ELAVL4: variants seen among roughly 807,000 people sequenced by gnomAD.
The protein encoded by ELAVL4 is ELAV-like protein 4.
Under a neutral mutation model 35.6 loss-of-function variants are expected in ELAVL4, and 1 was observed. That is an observed-to-expected ratio of 0.03 (90% CI 0.01 to 0.13). The LOEUF (loss-of-function observed/expected upper bound fraction) is 0.13, where lower values mean the gene tolerates loss of function less well. ELAVL4 is among the 10% of genes least tolerant of loss of function. The pLI is 1.00. For missense variants in ELAVL4, 267 were observed against 464.9 expected (o/e 0.57, Z 3.91); for synonymous variants, 156 against 171.0 (o/e 0.91, Z 0.69).
At chr1:50,166,525 T>A (rs971027875) in intron 2 of ELAVL4, among the ~76,000 whole-genome samples, 3 of 152,180 alleles carry the variant, frequency 2.0e-5, no homozygotes, top group African/African-American at 7.2e-5. Context: ...ACAATTACAG[T>A]CCCTGTTTCT....
intron 2 of ELAVL4, among the ~76,000 whole-genome samples, chr1:50,164,849 T>C (rs377709109): frequency 3.7e-4 from 57 of 152,220 alleles, no homozygotes; most frequent in African/African-American, 1.4e-3. Context: ...TAAATATCCA[T>C]GTGAATAGAT....
chr1:50,057,751 T>C (rs1003470700), intron 1 of ELAVL4, among the ~76,000 whole-genome samples: 16 of 152,300 alleles, frequency 1.1e-4, no homozygotes, highest in South Asian at 4.1e-4. Context: ...TCTGTGATGT[T>C]TGCATGATGA....
intron 2 of ELAVL4, among the ~76,000 whole-genome samples, chr1:50,160,691 TATCTCTGTATGGAC>T (rs1382627196): frequency 6.6e-6 from 1 of 152,218 alleles, no homozygotes; most frequent in Non-Finnish European, 1.5e-5. Context: ...CATCCTGACT[TATCTCTGTATGGAC>T]AAGTTATTTA....
chr1:50,134,840 A>G (rs1241332321), intron 1 of ELAVL4, among the ~76,000 whole-genome samples: 7 of 152,094 alleles, frequency 4.6e-5, no homozygotes, highest in Non-Finnish European at 1.0e-4. Flanking sequence ...CAGGGGTCTT[A>G]CCAGAACTGC....
chr1:50,109,024 C>A lies in ELAVL4; in HGVS notation c.-166C>A. The A allele has an allele frequency of 6.7e-6, 4 of 598,214 alleles. No individual in the cohort carries two copies. Among genetic ancestry groups the A allele is most frequent in the Non-Finnish European group, 8.3e-6 (4 of 480,706 alleles). The allele number at this position is 598,214 out of a possible 1,614,324, so 37.1% of individuals were successfully genotyped here. A position where few individuals can be genotyped will look rare whatever the true frequency, so the allele number is the denominator to read the frequency against. On this transcript the variant is annotated 5_prime_UTR_variant, in exon 1 of 7. Transcript: ENST00000371824. ...CTTTTTTTTCTTTCTCTCCCCCGCC[C>A]ACCCCCCCAAAAATAATTGATTTGC...
chr1:50,108,814 A>T, upstream of ELAVL4: 1 of 633,196 alleles, frequency 1.6e-6, no homozygotes, highest in Non-Finnish European at 2.0e-6. Context: ...TAGCTAATTT[A>T]AATAGCACCT....
intron 1 of ELAVL4, among the ~76,000 whole-genome samples, chr1:50,110,663 G>A (rs1203040436): frequency 6.6e-6 from 1 of 152,074 alleles, no homozygotes; most frequent in Non-Finnish European, 1.5e-5. Flanking sequence ...TTCAGAGCTG[G>A]GTATGGGGGC....
chr1:50,075,840 C>CAG (rs768551067), intron 1 of ELAVL4, among the ~76,000 whole-genome samples: 2 of 150,936 alleles, frequency 1.3e-5, no homozygotes, highest in Non-Finnish European at 3.0e-5. Context: ...GACAGAGAGA[C>CAG]AGAGAGAGAG....
At chr1:50,057,849 T>C (rs1663760277) in intron 1 of ELAVL4, among the ~76,000 whole-genome samples, 1 of 152,224 alleles carries the variant, frequency 6.6e-6, no homozygotes, top group South Asian at 2.1e-4. Flanking sequence ...GTTACCATGT[T>C]GTTTGGGACA....
intron 6 of ELAVL4, among the ~76,000 whole-genome samples, chr1:50,198,565 A>G (rs529620996): frequency 1.3e-4 from 20 of 152,324 alleles, no homozygotes; most frequent in East Asian, 3.9e-4. Flanking sequence ...CCCAGCATCA[A>G]TGAGGATAAC....
In ELAVL4 at chr1:50,200,690, T is replaced by C; in HGVS notation, c.774-161T>C. ...GTCAAGCCATTCCCATCAGAGGAAA[T>C]GACATAGACATTAGTTTTTACATTT... is the stretch of plus-strand genomic sequence containing the variant. On this transcript the variant is annotated intron_variant, in intron 6 of 6. Transcript: ENST00000371824. 5.8e-6 allele frequency: 8 copies of C among 1,390,212 alleles called. No individual in the cohort carries two copies. In the South Asian group the frequency reaches 1.1e-4, roughly 20 times the overall value. The allele number at this position is 1,390,212 out of a possible 1,614,324, so 86.1% of individuals were successfully genotyped here.
intron 2 of ELAVL4, among the ~76,000 whole-genome samples, chr1:50,166,683 C>T (rs1197819708): frequency 6.6e-6 from 1 of 152,156 alleles, no homozygotes; most frequent in Non-Finnish European, 1.5e-5. Context: ...TCCCATTGAC[C>T]TTAATCACAG....
At chr1:50,148,883 A>AT (rs1309691107) in intron 2 of ELAVL4, among the ~76,000 whole-genome samples, 2 of 152,164 alleles carry the variant, frequency 1.3e-5, no homozygotes, top group Non-Finnish European at 2.9e-5. Flanking sequence ...TTTTGTAAAC[A>AT]TTGAGATTGC....
At chr1:50,093,824 C>T (rs1453342758) in intron 1 of ELAVL4, among the ~76,000 whole-genome samples, 7 of 152,190 alleles carry the variant, frequency 4.6e-5, no homozygotes, top group African/African-American at 1.4e-4. Flanking sequence ...CATATCCTAG[C>T]TTTCTCGTGG....
At chr1:50,102,113 CTG>C (rs1666008591), upstream of ELAVL4, among the ~76,000 whole-genome samples, 1 of 152,028 alleles carries the variant, frequency 6.6e-6, no homozygotes, top group Non-Finnish European at 1.5e-5. Context: ...CGGTGAAACC[CTG>C]CCTCTACTAA....
At chr1:50,053,576 C>T in intron 1 of ELAVL4, among the ~76,000 whole-genome samples, 1 of 152,124 alleles carries the variant, frequency 6.6e-6, no homozygotes, top group Non-Finnish European at 1.5e-5. Context: ...TCTCAAACTC[C>T]TGGCCTCAAG....
At chr1:50,112,828 A>T (rs1667299788) in intron 1 of ELAVL4, among the ~76,000 whole-genome samples, 1 of 152,056 alleles carries the variant, frequency 6.6e-6, no homozygotes, top group Admixed American at 6.6e-5. Flanking sequence ...GATGGTTTGC[A>T]CAAAACCTTA....
upstream of ELAVL4, among the ~76,000 whole-genome samples, chr1:50,103,055 A>G (rs1249443424): frequency 6.6e-6 from 1 of 152,220 alleles, no homozygotes; most frequent in Non-Finnish European, 1.5e-5. Context: ...TGACTCTGGA[A>G]AGGAAACTTT....
chr1:50,065,136 C>A (rs116115085), intron 1 of ELAVL4, among the ~76,000 whole-genome samples: 1,743 of 152,268 alleles, frequency 0.011, 27 homozygotes, highest in African/African-American at 0.04. Flanking sequence ...GCTCACCCCC[C>A]ACCTTTTCCT....
Sources: allele counts gnomAD v4.1 joint callset (sites outside exome capture counted in the v4.1 genomes callset), GRCh38; gene constraint gnomAD v4.1.1; transcripts MANE v1.5; gene names NCBI Gene and HGNC (gene_info 2026-07-23, HGNC 2026-07-21).